Variants in VPS13B observed in about 807,000 individuals in gnomAD.
The protein encoded by VPS13B is vacuolar protein sorting 13 homolog B.
A neutral mutation model predicts 426.4 loss-of-function variants in VPS13B; 285 were observed. The observed-to-expected ratio is 0.67, with a 90% CI of 0.61 to 0.74. VPS13B has a LOEUF of 0.74. VPS13B is among the 30% of genes least tolerant of loss of function. VPS13B has a pLI of 0.00. For synonymous variants in VPS13B, 1,676 were observed against 1,676.4 expected (o/e 1.00, Z 0.01); for missense variants, 4,537 against 4,782.6 (o/e 0.95, Z 1.51).
intron 25 of VPS13B, among the ~76,000 whole-genome samples, chr8:99,490,012 C>T (rs1273140833): frequency 6.6e-6 from 1 of 152,062 alleles, no homozygotes; most frequent in Non-Finnish European, 1.5e-5. Flanking sequence ...CCAGTTTTTG[C>T]CTGTTCAATA....
At chr8:99,767,058 G>GT (rs1811262577) in intron 40 of VPS13B, 88 bp downstream of exon 40, 1 of 1,300,048 alleles carries the variant, frequency 7.7e-7, no homozygotes, top group Non-Finnish European at 1.1e-6. Context: ...TCACTTAACT[G>GT]TATCTCAGCT....
chr8:99,379,406 G>C (rs1300613502), intron 19 of VPS13B, among the ~76,000 whole-genome samples: 2 of 151,930 alleles, frequency 1.3e-5, no homozygotes, highest in Non-Finnish European at 2.9e-5. Context: ...TTTTCTAGCT[G>C]TTACTAGTTT....
Position 99,041,620 on chromosome 8 carries a change from G to A in VPS13B, c.291+3054G>A, listed in dbSNP as rs181046477. Reference sequence around the variant, plus strand: ...TGTAATCCCAGCACTTTGGGAGGCCGAGGCGGGTGGATCACGAGGTCAGGA... The same window carrying A: ...TGTAATCCCAGCACTTTGGGAGGCCAAGGCGGGTGGATCACGAGGTCAGGA... On this transcript the variant is annotated intron_variant, in intron 3 of 61. Transcript: ENST00000357162. 6.1e-3 allele frequency among the ~76,000 whole-genome samples: 927 copies of A among 152,260 alleles called. 13 individuals carry two copies. The highest frequency in any genetic ancestry group is 0.021 in the African/African-American group (880 of 41,548).
chr8:99,333,854 T>A (rs1193473368), intron 19 of VPS13B, among the ~76,000 whole-genome samples: 1 of 152,042 alleles, frequency 6.6e-6, no homozygotes, highest in East Asian at 1.9e-4. Context: ...TGTCTAGTGT[T>A]TTACACAATG....
chr8:99,431,194 G>C (rs1227930642), intron 21 of VPS13B, among the ~76,000 whole-genome samples: 9 of 152,054 alleles, frequency 5.9e-5, no homozygotes, highest in Non-Finnish European at 7.4e-5. Context: ...ACTGAAAATT[G>C]GACAAGTTGT....
chr8:99,842,747 A>C (rs1390856255), intron 54 of VPS13B, among the ~76,000 whole-genome samples: 1 of 152,242 alleles, frequency 6.6e-6, no homozygotes, highest in Non-Finnish European at 1.5e-5. Flanking sequence ...AACTGAGTAC[A>C]TAGAAAAGCA....
At position 99,636,870 on chromosome 8, in the gene VPS13B, A is replaced by G. The variant is rs532235291; in HGVS notation, c.5221-4941A>G. 2.9e-4 allele frequency among the ~76,000 whole-genome samples: 44 copies of G among 152,216 alleles called. No individual in the cohort carries two copies. The South Asian group carries it at 8.7e-3, about 30-fold the overall frequency. On this transcript the variant is annotated intron_variant, in intron 33 of 61. Coordinates refer to ENST00000357162, the MANE Select transcript of VPS13B (RefSeq NM_152564.5). Reference sequence around the variant, plus strand: ...ATTTTCAAACAGAATAATTCAAAACATATGGAACAGAGGACCGAAGTAATG... The same window carrying G: ...ATTTTCAAACAGAATAATTCAAAACGTATGGAACAGAGGACCGAAGTAATG...
At chr8:99,359,924 T>C (rs1812405094) in intron 19 of VPS13B, among the ~76,000 whole-genome samples, 1 of 152,128 alleles carries the variant, frequency 6.6e-6, no homozygotes, top group African/African-American at 2.4e-5. Context: ...TGTCTCAGCC[T>C]TCCAAGTAAC....
At chr8:99,540,440 C>A (rs964921261) in intron 30 of VPS13B, among the ~76,000 whole-genome samples, 4 of 152,042 alleles carry the variant, frequency 2.6e-5, no homozygotes, top group Non-Finnish European at 4.4e-5. Context: ...ATCTAAAATT[C>A]ATCACCAGCT....
chr8:99,048,686 G>A (rs1741814933), intron 3 of VPS13B, among the ~76,000 whole-genome samples: 1 of 151,942 alleles, frequency 6.6e-6, no homozygotes, highest in Non-Finnish European at 1.5e-5. Context: ...GTGGTAGCGA[G>A]CGCCTGTAAT....
At chr8:99,520,407 G>A (rs1822317406) in intron 29 of VPS13B, among the ~76,000 whole-genome samples, 1 of 151,292 alleles carries the variant, frequency 6.6e-6, no homozygotes, top group South Asian at 2.1e-4. Context: ...GTGTGTGTGT[G>A]TGTGTGTGTG....
intron 17 of VPS13B, among the ~76,000 whole-genome samples, chr8:99,202,074 A>G (rs1427142891): frequency 2.0e-5 from 3 of 152,206 alleles, no homozygotes; most frequent in South Asian, 2.1e-4. Context: ...GATATTACCT[A>G]TGGAAGTTGT....
chr8:99,443,415 T>C (rs1817768729), intron 23 of VPS13B, among the ~76,000 whole-genome samples: 1 of 152,152 alleles, frequency 6.6e-6, no homozygotes, highest in East Asian at 1.9e-4. Context: ...TTGATGTTGA[T>C]TTCTCTCTCC....
intron 3 of VPS13B, among the ~76,000 whole-genome samples, chr8:99,070,257 ATC>A (rs1263698886): frequency 2.0e-5 from 3 of 152,256 alleles, no homozygotes; most frequent in African/African-American, 7.2e-5. Flanking sequence ...AAAATATGTG[ATC>A]TGTTATATCC....
intron 22 of VPS13B, among the ~76,000 whole-genome samples, chr8:99,437,963 C>G (rs1476775814): frequency 2.0e-5 from 3 of 147,912 alleles, no homozygotes; most frequent in Non-Finnish European, 4.5e-5. Context: ...CCAGACTTAG[C>G]TTTTTTTTTG....
intron 16 of VPS13B, among the ~76,000 whole-genome samples, chr8:99,185,332 T>G (rs1317564275): frequency 2.6e-5 from 4 of 152,200 alleles, no homozygotes; most frequent in African/African-American, 9.7e-5. Flanking sequence ...TATTAGCTTT[T>G]CATTTTATCT....
At chr8:99,225,967 C>T (rs933559073) in intron 17 of VPS13B, among the ~76,000 whole-genome samples, 2 of 151,620 alleles carry the variant, frequency 1.3e-5, no homozygotes, top group African/African-American at 4.8e-5. Context: ...TTTTTTGAGA[C>T]AGAGTCTCGC....
At chr8:99,326,448 G>T in intron 19 of VPS13B, among the ~76,000 whole-genome samples, 1 of 28,606 alleles carries the variant, frequency 3.5e-5, no homozygotes, top group African/African-American at 1.4e-4. Flanking sequence ...TCATCTCTAG[G>T]TAGCTTTTTT....
At chr8:99,696,791 G>C in intron 35 of VPS13B, 20 of 1,409,772 alleles carry the variant, frequency 1.4e-5, no homozygotes, top group South Asian at 3.4e-5. Context: ...CAAATTATTT[G>C]AGAATGAGCT....
Sources: allele counts gnomAD v4.1 joint callset (sites outside exome capture counted in the v4.1 genomes callset), GRCh38; gene constraint gnomAD v4.1.1; transcripts MANE v1.5; gene names NCBI Gene and HGNC (gene_info 2026-07-23, HGNC 2026-07-21).